The following FGF14 variants were observed in gnomAD, a reference collection of about 807,000 sequenced individuals.
The protein encoded by FGF14 is fibroblast growth factor 14, also known as fibroblast growth factor homologous factor 4.
A neutral mutation model predicts 25.5 loss-of-function variants in FGF14; 5 were observed. The observed-to-expected ratio is 0.20, with a 90% CI of 0.10 to 0.41. The LOEUF (loss-of-function observed/expected upper bound fraction) is 0.41. FGF14 is among the 10% of genes least tolerant of loss of function. FGF14 has a pLI of 1.00. For synonymous variants in FGF14, 138 were observed against 118.3 expected (o/e 1.17, Z -1.08); for missense variants, 222 against 320.1 (o/e 0.69, Z 2.34).
intron 3 of FGF14, among the ~76,000 whole-genome samples, chr13:101,797,770 T>TGCGCGCGC (rs779148079): frequency 6.9e-6 from 1 of 143,946 alleles, no homozygotes; most frequent in African/African-American, 2.7e-5. Context: ...TGTGTGTGTG[T>TGCGCGCGC]GTGTGTGTGT....
chr13:102,289,664 C>T (rs74640012), intron 1 of FGF14, among the ~76,000 whole-genome samples: 1,613 of 152,216 alleles, frequency 0.011, 28 homozygotes, highest in African/African-American at 0.036. Context: ...GCTTGCAGAT[C>T]GTAGTTTGCT....
intron 1 of FGF14, among the ~76,000 whole-genome samples, chr13:102,049,559 C>T (rs2042130359): frequency 6.6e-6 from 1 of 152,160 alleles, no homozygotes; most frequent in South Asian, 2.1e-4. Context: ...TTACTGTTTG[C>T]ATCTTACTCT....
At chr13:101,776,545 G>C (rs1385370281) in intron 3 of FGF14, among the ~76,000 whole-genome samples, 1 of 152,122 alleles carries the variant, frequency 6.6e-6, no homozygotes, top group Non-Finnish European at 1.5e-5. Context: ...GCCTTCGAGG[G>C]TGTCTCCTTC....
At chr13:102,040,833 T>C (rs759736367) in intron 1 of FGF14, among the ~76,000 whole-genome samples, 48 of 152,298 alleles carry the variant, frequency 3.2e-4, no homozygotes, top group Non-Finnish European at 5.4e-4. Flanking sequence ...TGGTTCTCTA[T>C]TGATTAATTT....
intron 1 of FGF14, among the ~76,000 whole-genome samples, chr13:101,910,969 T>C (rs765396079): frequency 5.3e-5 from 8 of 151,916 alleles, no homozygotes; most frequent in Non-Finnish European, 8.8e-5. Context: ...TAGTCCTCTT[T>C]GGCTAAAGTT....
rs1190933988 is a variant in FGF14, at chr13:101,734,667, C to A, written c.409-7857G>T. Among the ~76,000 whole-genome samples the A allele has an allele frequency of 2.6e-5, 4 of 152,022 alleles. No individual in the cohort carries two copies. The East Asian group carries it at 5.8e-4, about 22-fold the overall frequency. ...ATGATGTTAATAACTATAATTAACACCTTATGCATATTTCTATGTTGAGCA... is the reference window on the plus strand; with the variant it reads ...ATGATGTTAATAACTATAATTAACAACTTATGCATATTTCTATGTTGAGCA... On this transcript the variant is annotated intron_variant, in intron 3 of 4. Transcript: ENST00000376143.
chr13:102,115,764 AC>A lies in FGF14; in HGVS notation c.209-240469del, dbSNP rs763376018. 2.6e-5 allele frequency among the ~76,000 whole-genome samples: 4 copies of A among 151,930 alleles called. No individual in the cohort carries two copies. In the South Asian group the frequency reaches 8.3e-4, roughly 32 times the overall value. On this transcript the variant is annotated intron_variant, in intron 1 of 4. Transcript: ENST00000376131. ...ACCTTGGTGACAAGATCACTTGTAC[AC>A]CAATCCTCAGCGACACACGATTTAC...
At chr13:102,391,803 A>T (rs1208940303) in intron 1 of FGF14, among the ~76,000 whole-genome samples, 1 of 152,208 alleles carries the variant, frequency 6.6e-6, no homozygotes, top group East Asian at 1.9e-4. Flanking sequence ...GTTACTACTG[A>T]GTGCTTACGT....
chr13:101,820,928 C>A (rs1176495903), intron 3 of FGF14, among the ~76,000 whole-genome samples: 1 of 151,422 alleles, frequency 6.6e-6, no homozygotes, highest in East Asian at 1.9e-4. Flanking sequence ...ACTATTCTGA[C>A]TTCTATCATA....
intron 1 of FGF14, among the ~76,000 whole-genome samples, chr13:101,983,756 G>A (rs2038402700): frequency 6.6e-6 from 1 of 152,192 alleles, no homozygotes; most frequent in South Asian, 2.1e-4. Context: ...GGGCCGTGCT[G>A]AGGCATTTCT....
At chr13:102,335,566 G>C (rs1192643782) in intron 1 of FGF14, among the ~76,000 whole-genome samples, 2 of 152,052 alleles carry the variant, frequency 1.3e-5, no homozygotes, top group East Asian at 3.9e-4. Flanking sequence ...ATGAAAGAAA[G>C]AGACCAAGAA....
In FGF14 at chr13:101,884,919, C is replaced by A. The variant is rs2045917072; in HGVS notation, c.194-9623G>T. 3.9e-5 allele frequency among the ~76,000 whole-genome samples: 6 copies of A among 151,982 alleles called. No individual in the cohort carries two copies. In the South Asian group the frequency reaches 1.0e-3, roughly 26 times the overall value. On this transcript the variant is annotated intron_variant, in intron 1 of 4. Coordinates refer to ENST00000376143, the MANE Select transcript of FGF14 (RefSeq NM_004115.4). ...GAGTAAAGTATGGCAAACGCTGCCC[C>A]TTTCTTCTTAGGGGCTTGACTATGA...
At chr13:101,956,596 A>G (rs1008862335) in intron 1 of FGF14, among the ~76,000 whole-genome samples, 24 of 152,184 alleles carry the variant, frequency 1.6e-4, no homozygotes, top group Admixed American at 4.6e-4. Flanking sequence ...ATAACGATGG[A>G]CCTAAATATC....
At chr13:102,164,874 AT>A (rs1417986502) in intron 1 of FGF14, among the ~76,000 whole-genome samples, 1 of 152,186 alleles carries the variant, frequency 6.6e-6, no homozygotes, top group Admixed American at 6.6e-5. Flanking sequence ...ATGTTGGGAT[AT>A]TTTCTTTTAC....
At chr13:102,328,436 C>T (rs1453892189) in intron 1 of FGF14, among the ~76,000 whole-genome samples, 2 of 152,182 alleles carry the variant, frequency 1.3e-5, no homozygotes, top group Admixed American at 6.5e-5. Context: ...AAACTGACAT[C>T]TAAACATGTC....
intron 1 of FGF14, among the ~76,000 whole-genome samples, chr13:101,977,940 T>TAAA (rs10708269): frequency 7.3e-6 from 1 of 137,910 alleles, no homozygotes; most frequent in African/African-American, 2.7e-5. Context: ...TTTCTCAATG[T>TAAA]AAAAAAAAAA....
chr13:101,971,204 G>C (rs2037568849), intron 1 of FGF14, among the ~76,000 whole-genome samples: 1 of 152,064 alleles, frequency 6.6e-6, no homozygotes, highest in South Asian at 2.1e-4. Flanking sequence ...AGAAATTTCT[G>C]TATGCAAAAT....
Position 101,720,086 on chromosome 13 carries a change from G to GTATT in FGF14, c.*2741_*2744dup, listed in dbSNP as rs2034876034. On this transcript the variant is annotated 3_prime_UTR_variant, in exon 5 of 5. Coordinates refer to ENST00000376143, the MANE Select transcript of FGF14 (RefSeq NM_004115.4). ...ATATAAATATTTTATTCAATATGTT[G>GTATT]TATTTGTGAATTTAACAAATGATAT... 6.6e-6 allele frequency: 1 copy of GTATT among 151,916 alleles called. No homozygotes were observed. The highest frequency in any genetic ancestry group is 2.4e-5 in the African/African-American group (1 of 41,380). The allele number at this position is 151,916 out of a possible 1,614,324, so 9.4% of individuals were successfully genotyped here.
intron 3 of FGF14, among the ~76,000 whole-genome samples, chr13:101,795,656 A>G (rs538189964): frequency 1.3e-5 from 2 of 152,274 alleles, no homozygotes; most frequent in African/African-American, 2.4e-5. Flanking sequence ...GAAAAGCAGC[A>G]CAAAGCAAAA....
Sources: gnomAD v4.1 joint callset for allele counts (sites outside exome capture counted in the v4.1 genomes callset) on GRCh38, gnomAD v4.1.1 for gene constraint, MANE v1.5 for transcripts, NCBI Gene and HGNC (gene_info 2026-07-23, HGNC 2026-07-21) for gene names.